GRAMD1B: variants seen among roughly 807,000 people sequenced by gnomAD.
GRAMD1B encodes the protein protein Aster-B.
A neutral mutation model predicts 99.7 loss-of-function variants in GRAMD1B; 37 were observed. The observed-to-expected ratio is 0.37, with a 90% CI of 0.29 to 0.49. The LOEUF is 0.49. GRAMD1B is among the 20% of genes least tolerant of loss of function. The probability of loss-of-function intolerance (pLI) is 0.98; values close to 1 mark genes in which losing one functional copy is unlikely to be tolerated. For missense variants in GRAMD1B, 888 were observed against 1,009.2 expected, an observed-to-expected ratio of 0.88 and a Z score of 1.63; for synonymous variants, 427 against 387.6, an observed-to-expected ratio of 1.10 and a Z score of -1.19.
At chr11:123,441,035 A>AG (rs1423727806) in intron 1 of GRAMD1B, among the ~76,000 whole-genome samples, 1 of 152,108 alleles carries the variant, frequency 6.6e-6, no homozygotes, top group East Asian at 1.9e-4. Flanking sequence ...CATGATCGTG[A>AG]GGCCTCCCCA....
At position 123,492,632 on chromosome 11, in the gene GRAMD1B, G is replaced by A. The variant is rs1447641375; in HGVS notation, c.452+11739G>A. Among the ~76,000 whole-genome samples, 1 of 152,116 alleles carries A rather than the reference G, an allele frequency of 6.6e-6. No homozygotes were observed. The highest frequency in any genetic ancestry group is 1.5e-5 in the Non-Finnish European group (1 of 68,030). On this transcript the variant is annotated intron_variant, in intron 2 of 19. Transcript: ENST00000635736. The surrounding 1 kb of genome is among the most constrained non-coding windows in gnomAD (Gnocchi z 4.2). ...TAGAATTAAATTTGAAGGCTGACAG[G>A]CATTCAAGAGAGAGGATCATGTAAA...
intron 6 of GRAMD1B, among the ~76,000 whole-genome samples, chr11:123,595,370 C>T (rs1225811248): frequency 6.6e-6 from 1 of 151,978 alleles, no homozygotes; most frequent in Non-Finnish European, 1.5e-5. Context: ...CAACCTCCGC[C>T]CCTGCCCCCA....
intron 1 of GRAMD1B, among the ~76,000 whole-genome samples, chr11:123,412,772 TAAAAAAAAAC>T (rs57182999): frequency 0.39 from 58,705 of 151,588 alleles, 13,451 homozygotes; most frequent in African/African-American, 0.65. Context: ...CATTTTTTAA[TAAAAAAAAAC>T]TAAAGTTTTT....
At chr11:123,452,783 A>G (rs551881440) in intron 1 of GRAMD1B, among the ~76,000 whole-genome samples, 36 of 152,322 alleles carry the variant, frequency 2.4e-4, no homozygotes, top group African/African-American at 8.7e-4. Context: ...TTTGCTCACT[A>G]GGGAATTCTG....
chr11:123,382,615 CTA>C (rs746364545), intron 1 of GRAMD1B, among the ~76,000 whole-genome samples: 138 of 152,032 alleles, frequency 9.1e-4, no homozygotes, highest in Non-Finnish European at 1.6e-3. Flanking sequence ...ATGTGGGTGA[CTA>C]TGTTATGCGT....
chr11:123,446,895 C>A (rs1949668062), intron 1 of GRAMD1B, among the ~76,000 whole-genome samples: 1 of 149,772 alleles, frequency 6.7e-6, no homozygotes, highest in Admixed American at 6.7e-5. Flanking sequence ...CAGAGTAAGA[C>A]CCTGTCTCGG....
intron 1 of GRAMD1B, among the ~76,000 whole-genome samples, chr11:123,448,816 C>T (rs1012771476): frequency 2.0e-5 from 3 of 152,200 alleles, no homozygotes; most frequent in Non-Finnish European, 4.4e-5. Flanking sequence ...TCAAGCCTGC[C>T]TTCTCAGCTC....
chr11:123,388,634 A>G (rs950667876), intron 1 of GRAMD1B, among the ~76,000 whole-genome samples: 1 of 152,118 alleles, frequency 6.6e-6, no homozygotes, highest in Non-Finnish European at 1.5e-5. Context: ...AGATTGCACC[A>G]TTGCCCTACT....
intron 2 of GRAMD1B, among the ~76,000 whole-genome samples, chr11:123,576,390 G>T (rs1948716662): frequency 6.6e-6 from 1 of 152,086 alleles, no homozygotes; most frequent in South Asian, 2.1e-4. Context: ...ATTTCTGCTG[G>T]CACTTTCTAC....
At position 123,624,241 on chromosome 11, in the gene GRAMD1B, C is replaced by T. The variant is rs1242515370; in HGVS notation, c.*1646C>T. On this transcript the variant is annotated 3_prime_UTR_variant, in exon 20 of 20. Coordinates refer to ENST00000635736, the MANE Select transcript of GRAMD1B (RefSeq NM_001387025.1). ...TGTCCCAGATGTCCCAGAACATCAG[C>T]CCAAAAGACAGAAGATTTTATCACT... 1.3e-5 allele frequency: 2 copies of T among 152,144 alleles called. No individual in the cohort carries two copies. Among genetic ancestry groups the T allele is most frequent in the Non-Finnish European group, 2.9e-5 (2 of 68,036 alleles). 9.4% of individuals were successfully genotyped at this position (152,144 alleles called of 1,614,324 possible). A position where few individuals can be genotyped will look rare whatever the true frequency, so the allele number is the denominator to read the frequency against.
In GRAMD1B at chr11:123,626,417, C is replaced by G. The variant is rs936363508; in HGVS notation, c.*3822C>G. ...CCTATTACATTTCCAGGCAGTATCC[C>G]TAAGATGAGATCCTGGAGAAAGGAC... On this transcript the variant is annotated 3_prime_UTR_variant, in exon 20 of 20. Coordinates refer to ENST00000635736, the MANE Select transcript of GRAMD1B (RefSeq NM_001387025.1). 1.3e-5 allele frequency: 2 copies of G among 151,848 alleles called. No homozygotes were observed. Among genetic ancestry groups the G allele is most frequent in the Non-Finnish European group, 2.9e-5 (2 of 67,974 alleles). 9.4% of individuals were successfully genotyped at this position (151,848 alleles called of 1,614,324 possible). A position where few individuals can be genotyped will look rare whatever the true frequency, so the allele number is the denominator to read the frequency against.
chr11:123,489,853 GTTCA>G (rs1270438896), intron 2 of GRAMD1B, among the ~76,000 whole-genome samples: 31 of 152,284 alleles, frequency 2.0e-4, no homozygotes, highest in African/African-American at 6.0e-4. Context: ...AAATTCATTT[GTTCA>G]TTCATTCATT....
intron 1 of GRAMD1B, among the ~76,000 whole-genome samples, chr11:123,394,046 T>A (rs1360309812): frequency 1.3e-5 from 2 of 152,194 alleles, no homozygotes; most frequent in East Asian, 3.8e-4. Context: ...CTCTGATTTT[T>A]AAAAAATGGT....
In GRAMD1B at chr11:123,582,235, C is replaced by T. The variant is rs536584522; in HGVS notation, c.664-2077C>T. On this transcript the variant is annotated intron_variant, in intron 3 of 19. Coordinates refer to ENST00000635736, the MANE Select transcript of GRAMD1B (RefSeq NM_001387025.1). ...TCGGATCAGGGCTTCTGTGTGAGGA[C>T]GCAGGAAGTGAGCCATCCCTAGGCG... 1.9e-3 allele frequency among the ~76,000 whole-genome samples: 291 copies of T among 152,326 alleles called. 1 individual carries two copies. Among genetic ancestry groups the T allele is most frequent in the Non-Finnish European group, 3.6e-3 (243 of 68,026 alleles).
At chr11:123,621,670 G>A (rs777042597) in intron 19 of GRAMD1B, among the ~76,000 whole-genome samples, 27 of 152,320 alleles carry the variant, frequency 1.8e-4, no homozygotes, top group Non-Finnish European at 3.8e-4. Flanking sequence ...GGAGAACAAT[G>A]TGGCTCAATG....
chr11:123,422,952 C>T (rs1210548728), intron 1 of GRAMD1B, among the ~76,000 whole-genome samples: 1 of 152,110 alleles, frequency 6.6e-6, no homozygotes, highest in Non-Finnish European at 1.5e-5. Context: ...CCTCCCTTCC[C>T]CCAGATTTGA....
chr11:123,484,881 G>A (rs1331693023), intron 2 of GRAMD1B, among the ~76,000 whole-genome samples: 1 of 152,200 alleles, frequency 6.6e-6, no homozygotes, highest in Non-Finnish European at 1.5e-5. Context: ...GTCTCCAGGT[G>A]TTTAGGACGT....
At chr11:123,374,808 T>C (rs962930052) in intron 1 of GRAMD1B, among the ~76,000 whole-genome samples, 4 of 152,128 alleles carry the variant, frequency 2.6e-5, no homozygotes, top group African/African-American at 9.7e-5. Flanking sequence ...AATCTAAGAC[T>C]CTGGTGCTGC....
intron 1 of GRAMD1B, among the ~76,000 whole-genome samples, chr11:123,368,275 A>AAAAAAAAAAAAAAAAGAAAG (rs60644137): frequency 1.6e-5 from 2 of 127,110 alleles, no homozygotes; most frequent in African/African-American, 3.6e-5. Context: ...AAAAAAAAAA[A>AAAAAAAAAAAAAAAAGAAAG]AAAGAAAGAA....
Sources: allele counts gnomAD v4.1 joint callset (sites outside exome capture counted in the v4.1 genomes callset), GRCh38; gene constraint gnomAD v4.1.1; non-coding constraint Gnocchi (gnomAD v3.1); transcripts MANE v1.5; gene names NCBI Gene and HGNC (gene_info 2026-07-23, HGNC 2026-07-21).